AREL1: variants seen among roughly 807,000 people sequenced by gnomAD.
AREL1 encodes apoptosis-resistant E3 ubiquitin protein ligase 1.
AREL1 carries 62 observed loss-of-function variants against 99.0 expected under a neutral mutation model. The observed-to-expected ratio is 0.63, with a 90% CI of 0.51 to 0.77. The LOEUF (loss-of-function observed/expected upper bound fraction) is 0.77, where lower values mean the gene tolerates loss of function less well. Ranked by LOEUF, AREL1 falls within the 30% of genes least tolerant of loss-of-function variation. The probability of loss-of-function intolerance (pLI) is 0.00; values close to 1 mark genes in which losing one functional copy is unlikely to be tolerated. For missense variants in AREL1, 879 were observed against 1,027.6 expected (o/e 0.86, Z 1.98); for synonymous variants, 380 against 376.5 (o/e 1.01, Z -0.11).
intron 8 of AREL1, 152 bp downstream of exon 8, chr14:74,675,547 G>A: frequency 7.2e-6 from 8 of 1,116,298 alleles, no homozygotes; most frequent in Non-Finnish European, 1.0e-5. Flanking sequence ...ATGCTAGCAA[G>A]AAATTTTTAA....
chr14:74,686,549 C>T (rs879571630), intron 2 of AREL1, among the ~76,000 whole-genome samples: 2 of 152,230 alleles, frequency 1.3e-5, no homozygotes, highest in Non-Finnish European at 2.9e-5. Context: ...TCAGCGTACA[C>T]TAAGGCTGTC....
Position 74,675,866 on chromosome 14 carries a change from T to C in AREL1, c.913A>G (p.Thr305Ala), listed in dbSNP as rs1476454669. 2 of 1,614,020 alleles carry C rather than the reference T, an allele frequency of 1.2e-6. No homozygotes were observed. The highest frequency in any genetic ancestry group is 1.3e-5 in the African/African-American group (1 of 74,928). The change falls in exon 8 of 20, where the codon ACC becomes GCC. Residue 305 changes from threonine (T) to alanine (A), a missense_variant. Transcript: ENST00000356357. ...IYFEAYLYNA[T>A]NCSSTPWHLP... ...TGCCATGGAGTGCTGCTACAGTTGG[T>C]AGCATTATAAAGATAAGCCTCAAAG...
chr14:74,665,707 A>C (rs909114928), intron 17 of AREL1, among the ~76,000 whole-genome samples: 15 of 152,210 alleles, frequency 9.9e-5, no homozygotes, highest in African/African-American at 3.6e-4. Context: ...ATGACATCAG[A>C]GCCTTAAACA....
intron 9 of AREL1, 87 bp downstream of exon 9, chr14:74,673,947 A>C: frequency 1.7e-6 from 2 of 1,179,862 alleles, no homozygotes; most frequent in East Asian, 4.9e-5. Flanking sequence ...CAGAAACACT[A>C]AAAGTGCTTC....
intron 17 of AREL1, among the ~76,000 whole-genome samples, chr14:74,666,868 C>T (rs1226867874): frequency 6.6e-6 from 1 of 151,944 alleles, no homozygotes; most frequent in Non-Finnish European, 1.5e-5. Context: ...TACAAGCGTG[C>T]ATCACCACAC....
intron 8 of AREL1, among the ~76,000 whole-genome samples, chr14:74,674,357 T>C (rs1365470485): frequency 6.6e-6 from 1 of 152,176 alleles, no homozygotes; most frequent in South Asian, 2.1e-4. Flanking sequence ...CTCAGCACTT[T>C]GGGAGGCCGA....
In AREL1 at chr14:74,678,055, T is replaced by A. The variant is rs752619996; in HGVS notation, c.482-1303A>T. The stretch of plus-strand genomic sequence containing the variant: ...ATATATAGGTTTAACACAATTCTTA[T>A]CAAAGTTCCAGCAAGATTATTTATA... On this transcript the variant is annotated intron_variant, in intron 5 of 19. Transcript: ENST00000356357. 1.7e-4 allele frequency: 63 copies of A among 379,180 alleles called. No homozygotes were observed. In the East Asian group the frequency reaches 2.5e-3, roughly 15 times the overall value. 23.5% of individuals were successfully genotyped at this position (379,180 alleles called of 1,614,324 possible). A position where few individuals can be genotyped will look rare whatever the true frequency, so the allele number is the denominator to read the frequency against.
chr14:74,700,575 G>A (rs758145526), intron 1 of AREL1, among the ~76,000 whole-genome samples: 6 of 152,098 alleles, frequency 3.9e-5, no homozygotes, highest in Non-Finnish European at 7.4e-5. Context: ...TCAGGAGATC[G>A]AGACCATTCT....
At chr14:74,691,756 A>G (rs1402866597) in intron 2 of AREL1, among the ~76,000 whole-genome samples, 1 of 152,228 alleles carries the variant, frequency 6.6e-6, no homozygotes, top group East Asian at 1.9e-4. Flanking sequence ...GTTGATTAAC[A>G]TACATATTCT....
chr14:74,664,755 G>A (rs1013460268), intron 18 of AREL1, 81 bp downstream of exon 18: 29 of 1,233,564 alleles, frequency 2.4e-5, no homozygotes, highest in Middle Eastern at 2.0e-4. Context: ...CACTGCGCCC[G>A]GCCTCCTCTA....
At chr14:74,697,265 C>T (rs1299566975) in intron 1 of AREL1, among the ~76,000 whole-genome samples, 2 of 152,166 alleles carry the variant, frequency 1.3e-5, no homozygotes, top group Non-Finnish European at 2.9e-5. Context: ...ATATCACCTA[C>T]TGATGTCCAC....
chr14:74,671,356 TGCGA>T, intron 12 of AREL1, 48 bp downstream of exon 12: 1 of 202,398 alleles, frequency 4.9e-6, no homozygotes, highest in Non-Finnish European at 9.6e-6. Flanking sequence ...GTGGAGAAGG[TGCGA>T]GTGGGGAGGA....
Position 74,675,768 on chromosome 14 carries a change from C to T in AREL1, c.1011G>A (p.Ser337=), listed in dbSNP as rs200778168. Residue 337 remains serine, a synonymous_variant, in exon 8 of 20, where the codon TCG becomes TCA. Coordinates refer to ENST00000356357, the MANE Select transcript of AREL1 (RefSeq NM_001039479.2). ...TCTCAGGGGTGTGGCACTCAGAGGG[C>T]GAGTCTTCATCTTCCTCGTCAACAG... The part of the protein sequence containing the change: ...STAVDEEDED[S]PSECHTPEKV... 263 of 1,614,098 alleles carry T rather than the reference C, an allele frequency of 1.6e-4. No individual in the cohort carries two copies. In the African/African-American group the frequency reaches 2.8e-3, roughly 17 times the overall value.
intron 8 of AREL1, among the ~76,000 whole-genome samples, chr14:74,674,587 G>C (rs971220172): frequency 6.6e-6 from 1 of 152,182 alleles, no homozygotes; most frequent in African/African-American, 2.4e-5. Flanking sequence ...GGGTGACAAA[G>C]TGAGACCCTG....
In AREL1 at chr14:74,662,418, C is replaced by T. The variant is rs1240998226; in HGVS notation, c.*1302G>A. 2.5e-6 allele frequency: 1 copy of T among 395,806 alleles called. No individual in the cohort carries two copies. The highest frequency in any genetic ancestry group is 3.6e-5 in the East Asian group (1 of 27,928). The allele number at this position is 395,806 out of a possible 1,614,324, so 24.5% of individuals were successfully genotyped here. On this transcript the variant is annotated 3_prime_UTR_variant, in exon 20 of 20. Coordinates refer to ENST00000356357, the MANE Select transcript of AREL1 (RefSeq NM_001039479.2). ...GCTTGCAGCAAAGCCTTCTTAAAAA[C>T]ACAAATTTGGGAAGTCAATGAGATT... is the stretch of plus-strand genomic sequence containing the variant.
Position 74,670,781 on chromosome 14 carries a change from C to T in AREL1, c.1589G>A (p.Ser530Asn). 1.2e-6 allele frequency: 2 copies of T among 1,614,128 alleles called. No homozygotes were observed. Among genetic ancestry groups the T allele is most frequent in the East Asian group, 2.2e-5 (1 of 44,886 alleles). ...ACTCACTAATGCTTGGTTGTTGTCACTGAACCGGGTGAAGAGCTGATTGGT... is the reference window on the plus strand; with the variant it reads ...ACTCACTAATGCTTGGTTGTTGTCATTGAACCGGGTGAAGAGCTGATTGGT... The part of the protein sequence containing the change: ...DTTNQLFTRF[S>N]DNNQALVHPN... The change falls in exon 13 of 20, where the codon AGT becomes AAT. Residue 530 changes from serine to asparagine, a missense_variant. Coordinates refer to ENST00000356357, the MANE Select transcript of AREL1 (RefSeq NM_001039479.2).
chr14:74,676,677 G>T lies in AREL1; in HGVS notation c.557C>A (p.Thr186Asn), dbSNP rs765622609. ...CTCATCTCGGGGTACTATTTGAAGGGTGTGCGGCTGCCCACAGGTCAATAC... is the reference window on the plus strand; with the variant it reads ...CTCATCTCGGGGTACTATTTGAAGGTTGTGCGGCTGCCCACAGGTCAATAC... ...TLVLTCGQPH[T>N]LQIVPRDEYD... The change falls in exon 6 of 20, where the codon ACC (threonine) becomes AAC (asparagine). Residue 186 changes from threonine to asparagine, a missense_variant. Transcript: ENST00000356357. 3.1e-6 allele frequency: 5 copies of T among 1,614,022 alleles called. No individual in the cohort carries two copies. The African/African-American group carries it at 5.3e-5, about 17-fold the overall frequency.
chr14:74,680,238 T>C (rs542902177), intron 5 of AREL1, among the ~76,000 whole-genome samples: 3 of 143,736 alleles, frequency 2.1e-5, no homozygotes, highest in Admixed American at 6.8e-5. Flanking sequence ...GAAAAGAAAA[T>C]GGACAAAAGA....
chr14:74,688,693 C>T (rs1208435745), intron 2 of AREL1, among the ~76,000 whole-genome samples: 2 of 152,184 alleles, frequency 1.3e-5, no homozygotes, highest in Non-Finnish European at 2.9e-5. Context: ...TACAACAGCT[C>T]TCAAACCACT....
Sources: allele counts gnomAD v4.1 joint callset (sites outside exome capture counted in the v4.1 genomes callset), GRCh38; gene constraint gnomAD v4.1.1; transcripts MANE v1.5; gene names NCBI Gene and HGNC (gene_info 2026-07-23, HGNC 2026-07-21).